The following GREB1L variants were observed in gnomAD, a reference collection of about 807,000 sequenced individuals.
The protein encoded by GREB1L is GREB1-like protein.
A neutral mutation model predicts 200.8 loss-of-function variants in GREB1L; 17 were observed. The observed-to-expected ratio is 0.08, with a 90% CI of 0.06 to 0.13. GREB1L has a LOEUF of 0.13. Ranked by LOEUF, GREB1L falls within the 10% of genes least tolerant of loss-of-function variation. The pLI is 1.00. For missense variants in GREB1L, 1,657 were observed against 2,367.7 expected, an observed-to-expected ratio of 0.70 and a Z score of 6.23; for synonymous variants, 789 against 893.0, an observed-to-expected ratio of 0.88 and a Z score of 2.08.
intron 31 of GREB1L, 112 bp downstream of exon 31, chr18:21,518,346 T>C: frequency 9.9e-7 from 1 of 1,013,964 alleles, no homozygotes; most frequent in Non-Finnish European, 1.4e-6. Context: ...AAGATGCCAG[T>C]CTGGTCCTTT....
intron 7 of GREB1L, among the ~76,000 whole-genome samples, chr18:21,427,490 G>C (rs1168555316): frequency 1.4e-5 from 2 of 140,214 alleles, no homozygotes; most frequent in African/African-American, 3.1e-5. Context: ...GGGCAATAGA[G>C]TGAGACCCTG....
At chr18:21,326,872 T>C (rs1474402194) in intron 1 of GREB1L, among the ~76,000 whole-genome samples, 2 of 152,200 alleles carry the variant, frequency 1.3e-5, no homozygotes, top group Non-Finnish European at 2.9e-5. Context: ...CTAAACTTGC[T>C]CTCATTTCCC....
At chr18:21,516,558 T>C (rs1598960250) in intron 29 of GREB1L, 55 bp from the exon 30 acceptor site, 1 of 1,495,628 alleles carries the variant, frequency 6.7e-7, no homozygotes, top group African/African-American at 1.4e-5. Context: ...TGTGTATAGT[T>C]ATCATGGTTG....
At chr18:21,424,171 C>T (rs2032382621) in intron 7 of GREB1L, among the ~76,000 whole-genome samples, 1 of 152,174 alleles carries the variant, frequency 6.6e-6, no homozygotes, top group Non-Finnish European at 1.5e-5. Context: ...CAATGTTTTT[C>T]TCTTATTGGC....
chr18:21,395,614 A>C (rs2041023651), intron 5 of GREB1L, 53 bp downstream of exon 5: 6 of 1,307,540 alleles, frequency 4.6e-6, no homozygotes, highest in Non-Finnish European at 6.3e-6. Flanking sequence ...GTTAAAATAC[A>C]CATTTATTTA....
rs138864682 is a variant in GREB1L, at chr18:21,429,109, C to CCCTTCCTT, written c.833-10380_833-10373dup. On this transcript the variant is annotated intron_variant, in intron 7 of 32. Transcript: ENST00000424526. ...ATTCATGTGTTTCATAAACTATTCT[C>CCCTTCCTT]CCTTCCTTCCTTCCTTCCTTCCTTC... Among the ~76,000 whole-genome samples, 810 of 109,980 alleles carry CCCTTCCTT rather than the reference C, an allele frequency of 7.4e-3. 7 individuals carry two copies. The highest frequency in any genetic ancestry group is 0.011 in the Non-Finnish European group (629 of 58,414). The allele number at this position is 109,980 out of a possible 152,430, so 72.2% of individuals were successfully genotyped here. A position where few individuals can be genotyped will look rare whatever the true frequency, so the allele number is the denominator to read the frequency against.
intron 1 of GREB1L, among the ~76,000 whole-genome samples, chr18:21,242,953 C>T (rs1421919214): frequency 6.6e-6 from 1 of 152,148 alleles, no homozygotes; most frequent in Non-Finnish European, 1.5e-5. Context: ...CCAGAGGTGG[C>T]TGGGCGCTCG....
chr18:21,510,511 G>A (rs141014200), intron 27 of GREB1L, among the ~76,000 whole-genome samples: 87 of 152,298 alleles, frequency 5.7e-4, no homozygotes, highest in African/African-American at 2.0e-3. Context: ...TGTAGCATGT[G>A]TTAGAATTCC....
chr18:21,517,144 G>A (rs1293943687), intron 30 of GREB1L, among the ~76,000 whole-genome samples: 2 of 152,148 alleles, frequency 1.3e-5, no homozygotes, highest in East Asian at 3.9e-4. Flanking sequence ...AAAGTGCTGG[G>A]ATTACAGGCA....
intron 1 of GREB1L, among the ~76,000 whole-genome samples, chr18:21,320,753 G>C (rs545753838): frequency 3.3e-5 from 5 of 149,470 alleles, no homozygotes; most frequent in African/African-American, 4.9e-5. Flanking sequence ...GCAACAGAAC[G>C]AGACTGTCTC....
At chr18:21,285,424 A>G (rs2038339609) in intron 1 of GREB1L, among the ~76,000 whole-genome samples, 1 of 152,202 alleles carries the variant, frequency 6.6e-6, no homozygotes, top group Non-Finnish European at 1.5e-5. Context: ...TGGTACAAAC[A>G]TCTGTCAACA....
chr18:21,298,404 AGAGTTT>A (rs1016831457), intron 1 of GREB1L, among the ~76,000 whole-genome samples: 1 of 152,188 alleles, frequency 6.6e-6, no homozygotes, highest in African/African-American at 2.4e-5. Flanking sequence ...TAACTCACTT[AGAGTTT>A]ATTTCATTTT....
chr18:21,279,800 C>A (rs2038237847), intron 1 of GREB1L, among the ~76,000 whole-genome samples: 1 of 152,156 alleles, frequency 6.6e-6, no homozygotes, highest in African/African-American at 2.4e-5. Context: ...TGCATGCCAC[C>A]TGTGGCTGTC....
intron 7 of GREB1L, among the ~76,000 whole-genome samples, chr18:21,425,545 C>T (rs895892274): frequency 1.3e-5 from 2 of 152,216 alleles, no homozygotes; most frequent in Admixed American, 6.5e-5. Context: ...CATATCCTTA[C>T]CAACACTTGT....
intron 1 of GREB1L, among the ~76,000 whole-genome samples, chr18:21,281,933 C>T (rs1440400769): frequency 6.6e-6 from 1 of 152,098 alleles, no homozygotes; most frequent in African/African-American, 2.4e-5. Flanking sequence ...CCAAAGAAAA[C>T]TCAAATCATT....
At chr18:21,356,962 G>A (rs1276706996) in intron 1 of GREB1L, among the ~76,000 whole-genome samples, 2 of 152,102 alleles carry the variant, frequency 1.3e-5, no homozygotes, top group Admixed American at 1.3e-4. Flanking sequence ...TTGGCGATTT[G>A]TATGTCTTTT....
At chr18:21,370,090 A>G (rs1186152803) in intron 2 of GREB1L, among the ~76,000 whole-genome samples, 1 of 152,252 alleles carries the variant, frequency 6.6e-6, no homozygotes, top group Admixed American at 6.5e-5. Context: ...AAAAGGATGA[A>G]TAAAAATGAA....
At chr18:21,265,427 T>C (rs2037950600) in intron 1 of GREB1L, among the ~76,000 whole-genome samples, 1 of 152,214 alleles carries the variant, frequency 6.6e-6, no homozygotes, top group Non-Finnish European at 1.5e-5. Flanking sequence ...TTCCTATCTG[T>C]AAATGGTAAA....
chr18:21,337,592 G>C (rs1331177000), intron 1 of GREB1L, among the ~76,000 whole-genome samples: 1 of 152,210 alleles, frequency 6.6e-6, no homozygotes, highest in Admixed American at 6.5e-5. Context: ...GGCTTAAGAG[G>C]CACCATAACT....
Sources: gnomAD v4.1 joint callset for allele counts (sites outside exome capture counted in the v4.1 genomes callset) on GRCh38, gnomAD v4.1.1 for gene constraint, MANE v1.5 for transcripts, NCBI Gene and HGNC (gene_info 2026-07-23, HGNC 2026-07-21) for gene names.